The following SHANK2 variants were observed in gnomAD, a reference collection of about 807,000 sequenced individuals.
SHANK2 encodes SH3 and multiple ankyrin repeat domains protein 2.
In SHANK2, 43 loss-of-function variants were observed where a neutral mutation model predicts 133.7. The observed-to-expected ratio is 0.32, with a 90% CI of 0.25 to 0.41. The LOEUF is 0.41. Ranked by LOEUF, SHANK2 falls within the 10% of genes least tolerant of loss-of-function variation. The pLI is 1.00. For missense variants in SHANK2, 1,994 were observed against 2,235.8 expected, an observed-to-expected ratio of 0.89 and a Z score of 2.18; for synonymous variants, 1,017 against 952.8, an observed-to-expected ratio of 1.07 and a Z score of -1.24.
chr11:71,235,676 C>T (rs552613887), intron 1 of SHANK2, among the ~76,000 whole-genome samples: 5 of 152,112 alleles, frequency 3.3e-5, no homozygotes, highest in African/African-American at 9.6e-5. Flanking sequence ...TCATTCTCGA[C>T]GGCTCACAAG....
intron 17 of SHANK2, among the ~76,000 whole-genome samples, chr11:70,658,421 C>T (rs1263716705): frequency 2.0e-5 from 3 of 152,180 alleles, no homozygotes; most frequent in African/African-American, 4.8e-5. Flanking sequence ...CACAAAGCCA[C>T]AGCGGGCTCC....
At chr11:70,838,487 C>A (rs969631847) in intron 11 of SHANK2, among the ~76,000 whole-genome samples, 1 of 152,138 alleles carries the variant, frequency 6.6e-6, no homozygotes, top group South Asian at 2.1e-4. Flanking sequence ...ACTATCAGTG[C>A]AATGCCTTGC....
intron 15 of SHANK2, among the ~76,000 whole-genome samples, chr11:70,683,023 AGCCACATCCCC>A (rs1318050587): frequency 2.6e-5 from 4 of 152,164 alleles, no homozygotes; most frequent in Non-Finnish European, 5.9e-5. Context: ...GTGACCGCTG[AGCCACATCCCC>A]TGTAAGACGC....
chr11:70,651,408 A>G (rs2061337404), intron 17 of SHANK2, among the ~76,000 whole-genome samples: 2 of 152,286 alleles, frequency 1.3e-5, no homozygotes, highest in South Asian at 4.1e-4. Flanking sequence ...GACAAAGAGA[A>G]CGACCTCCCC....
intron 15 of SHANK2, among the ~76,000 whole-genome samples, chr11:70,687,540 C>A (rs1945182034): frequency 7.8e-6 from 1 of 128,292 alleles, no homozygotes; most frequent in Admixed American, 1.0e-4. Context: ...TAAATGCTAC[C>A]AATCAAGGTG....
At chr11:70,611,755 AT>A (rs1261980774) in intron 17 of SHANK2, among the ~76,000 whole-genome samples, 4 of 152,180 alleles carry the variant, frequency 2.6e-5, no homozygotes, top group Non-Finnish European at 5.9e-5. Flanking sequence ...TCCTCTAGCC[AT>A]TTAGGAAGAA....
intron 9 of SHANK2, among the ~76,000 whole-genome samples, chr11:71,059,355 TTGGTGGTGATGGTCGA>T (rs1260429611): frequency 4.1e-4 from 62 of 152,182 alleles, no homozygotes; most frequent in African/African-American, 1.3e-3. Context: ...GTGATGGTTG[TTGGTGGTGATGGTCGA>T]TGGTGGTGAT....
intron 10 of SHANK2, among the ~76,000 whole-genome samples, chr11:70,954,534 G>C (rs978045801): frequency 9.2e-5 from 14 of 152,226 alleles, no homozygotes; most frequent in Admixed American, 1.3e-4. Flanking sequence ...CGAAGGGTCT[G>C]GGGGGCAAAA....
intron 15 of SHANK2, among the ~76,000 whole-genome samples, chr11:70,680,739 T>C (rs1220302606): frequency 1.3e-5 from 2 of 152,172 alleles, no homozygotes; most frequent in Non-Finnish European, 2.9e-5. Context: ...AGCCTCTCTC[T>C]CTTTCCCTGG....
intron 14 of SHANK2, among the ~76,000 whole-genome samples, chr11:70,734,761 G>A (rs1191665390): frequency 6.6e-6 from 1 of 152,220 alleles, no homozygotes; most frequent in East Asian, 1.9e-4. Flanking sequence ...ACCAGCCAGT[G>A]TTACATAGCC....
chr11:71,064,840 C>T (rs916269465), intron 9 of SHANK2, among the ~76,000 whole-genome samples: 2 of 152,028 alleles, frequency 1.3e-5, no homozygotes, highest in African/African-American at 4.8e-5. Flanking sequence ...ACACTGGAGT[C>T]TCCTAAGAGG....
intron 11 of SHANK2, among the ~76,000 whole-genome samples, chr11:70,865,937 C>T (rs903700707): frequency 2.0e-5 from 3 of 152,172 alleles, no homozygotes; most frequent in Non-Finnish European, 4.4e-5. Flanking sequence ...TTTCTTGGGT[C>T]GTGGCCCCTC....
chr11:70,584,632 C>T (rs1347074970), intron 17 of SHANK2, among the ~76,000 whole-genome samples: 2 of 152,162 alleles, frequency 1.3e-5, no homozygotes, highest in Non-Finnish European at 2.9e-5. Context: ...TTAGTCTGCT[C>T]CTTCCTGCAG....
In SHANK2 at chr11:70,744,374, C is replaced by T. The variant is rs549657057; in HGVS notation, c.1778-45611G>A. Among the ~76,000 whole-genome samples, 27 of 152,322 alleles carry T rather than the reference C, an allele frequency of 1.8e-4. No individual in the cohort carries two copies. The South Asian group carries it at 5.2e-3, about 29-fold the overall frequency. On this transcript the variant is annotated intron_variant, in intron 14 of 25. Coordinates refer to ENST00000601538, the MANE Select transcript of SHANK2 (RefSeq NM_012309.5). ...GACCCATGTGGGGAACCCTGCCGGG[C>T]CCTCCTTCCTCACCTCTAAGCACCC...
At chr11:71,234,299 C>T (rs1555123383) in intron 1 of SHANK2, among the ~76,000 whole-genome samples, 3 of 150,122 alleles carry the variant, frequency 2.0e-5, no homozygotes, top group Non-Finnish European at 3.0e-5. Flanking sequence ...GAGGCGGAGG[C>T]TGCAGTGAGC....
rs539367619 is a variant in SHANK2, at chr11:70,595,491, G to C, written c.2061+64337C>G. The stretch of plus-strand genomic sequence containing the variant: ...TCACCCAGCTTGGCTCACTCTCTCT[G>C]AAAACCACACGCTGGCCCAGACAAC... On this transcript the variant is annotated intron_variant, in intron 17 of 25. Transcript: ENST00000601538. Among the ~76,000 whole-genome samples, 20 of 152,264 alleles carry C rather than the reference G, an allele frequency of 1.3e-4. No homozygotes were observed. In the South Asian group the frequency reaches 4.1e-3, roughly 32 times the overall value.
intron 22 of SHANK2, among the ~76,000 whole-genome samples, chr11:70,490,781 C>T (rs1392485159): frequency 1.3e-5 from 2 of 152,152 alleles, no homozygotes; most frequent in Non-Finnish European, 2.9e-5. Context: ...GGGTCCATAC[C>T]CCACTCCCCA....
intron 1 of SHANK2, among the ~76,000 whole-genome samples, chr11:71,232,250 G>A (rs1319203175): frequency 2.7e-4 from 41 of 152,122 alleles, no homozygotes; most frequent in Admixed American, 2.6e-3. Flanking sequence ...AGTGTGTCAG[G>A]CCATAAAAGG....
chr11:70,881,937 C>G (rs1265249480), intron 11 of SHANK2, among the ~76,000 whole-genome samples: 1 of 151,992 alleles, frequency 6.6e-6, no homozygotes, highest in Non-Finnish European at 1.5e-5. Flanking sequence ...GTCTCAAACT[C>G]CTGGCCTCAA....
Sources: gnomAD v4.1 joint callset for allele counts (sites outside exome capture counted in the v4.1 genomes callset) on GRCh38, gnomAD v4.1.1 for gene constraint, MANE v1.5 for transcripts, NCBI Gene and HGNC (gene_info 2026-07-23, HGNC 2026-07-21) for gene names.